The following OPCML variants were observed in gnomAD, a reference collection of about 807,000 sequenced individuals.
OPCML encodes opioid-binding protein/cell adhesion molecule.
In OPCML, 13 loss-of-function variants were observed where a neutral mutation model predicts 37.8. The observed-to-expected ratio is 0.34, with a 90% confidence interval of 0.22 to 0.55. OPCML has a LOEUF of 0.55. Ranked by LOEUF, OPCML falls within the 20% of genes least tolerant of loss-of-function variation. OPCML has a pLI of 0.91. For missense variants in OPCML, 341 were observed against 435.6 expected (o/e 0.78, Z 1.93); for synonymous variants, 176 against 168.8 (o/e 1.04, Z -0.33).
At chr11:132,657,941 A>C (rs975008268) in intron 2 of OPCML, among the ~76,000 whole-genome samples, 1 of 152,206 alleles carries the variant, frequency 6.6e-6, no homozygotes, top group African/African-American at 2.4e-5. Flanking sequence ...AATTATCAGC[A>C]GAATCCCTGT....
chr11:132,922,963 C>A (rs1944858053), intron 2 of OPCML, among the ~76,000 whole-genome samples: 1 of 151,722 alleles, frequency 6.6e-6, no homozygotes, highest in Non-Finnish European at 1.5e-5. Context: ...CATGCCAGCT[C>A]CTCCAAAGGC....
At chr11:133,227,651 C>T (rs564575291) in intron 1 of OPCML, among the ~76,000 whole-genome samples, 1 of 152,234 alleles carries the variant, frequency 6.6e-6, no homozygotes, top group East Asian at 1.9e-4. Flanking sequence ...AAAAAAAGGC[C>T]GTTCCATTCT....
rs1323163114 is a variant in OPCML at position 132,616,172 on chromosome 11, G to C, written c.379+40915C>G. On this transcript the variant is annotated intron_variant, in intron 3 of 7. Transcript: ENST00000524381. The stretch of plus-strand genomic sequence containing the variant: ...TTCATCTTTGGAGACATGGCTTTCA[G>C]TGTGTTTTAAAATGAGATATGAACT... Among the ~76,000 whole-genome samples, 3 of 152,308 alleles carry C rather than the reference G, an allele frequency of 2.0e-5. 1 individual carries two copies. The South Asian group carries it at 6.2e-4, about 32-fold the overall frequency.
At chr11:133,296,670 G>A (rs1446318361) in intron 1 of OPCML, among the ~76,000 whole-genome samples, 1 of 152,178 alleles carries the variant, frequency 6.6e-6, no homozygotes, top group Non-Finnish European at 1.5e-5. Context: ...TCGGGAACAA[G>A]GCAGATTGAC....
At chr11:132,689,845 A>T (rs1224408999) in intron 2 of OPCML, among the ~76,000 whole-genome samples, 3 of 152,214 alleles carry the variant, frequency 2.0e-5, no homozygotes, top group Non-Finnish European at 2.9e-5. Context: ...CATGAAATAT[A>T]CCTTTATACC....
chr11:133,204,493 ACTTTGTCAGG>A (rs1938947022), intron 1 of OPCML, among the ~76,000 whole-genome samples: 2 of 152,284 alleles, frequency 1.3e-5, no homozygotes, highest in South Asian at 4.1e-4. Flanking sequence ...AGGAGTGGAC[ACTTTGTCAGG>A]TCCCTGTGGC....
intron 2 of OPCML, among the ~76,000 whole-genome samples, chr11:132,803,616 C>A (rs780926312): frequency 6.6e-6 from 1 of 152,210 alleles, no homozygotes; most frequent in Non-Finnish European, 1.5e-5. Flanking sequence ...GAACACTCAT[C>A]CTTCACTAAT....
intron 1 of OPCML, among the ~76,000 whole-genome samples, chr11:133,215,986 C>T (rs906708530): frequency 1.3e-5 from 2 of 152,102 alleles, no homozygotes; most frequent in African/African-American, 2.4e-5. Flanking sequence ...TGAATAGAGG[C>T]CACCAGGAGG....
intron 1 of OPCML, among the ~76,000 whole-genome samples, chr11:133,074,979 A>G (rs1948599214): frequency 6.6e-6 from 1 of 152,144 alleles, no homozygotes; most frequent in African/African-American, 2.4e-5. Context: ...TCAGCTCACC[A>G]GGAAGTGGCA....
At chr11:132,456,719 G>A (rs2096083885) in intron 4 of OPCML, among the ~76,000 whole-genome samples, 1 of 152,220 alleles carries the variant, frequency 6.6e-6, no homozygotes, top group Non-Finnish European at 1.5e-5. Flanking sequence ...AAGTGCATTG[G>A]ACTTGTCAGA....
In OPCML at chr11:133,211,512, A is replaced by G. The variant is rs1592108741; in HGVS notation, c.62-268502T>C. 6.6e-6 allele frequency among the ~76,000 whole-genome samples: 1 copy of G among 151,656 alleles called. No individual in the cohort carries two copies. Among genetic ancestry groups the G allele is most frequent in the Non-Finnish European group, 1.5e-5 (1 of 68,042 alleles). ...TACCCCTCCTCAGACACTGTTGCAT[A>G]TAAGTCAGAGGAGGGGCTTTGAAAA... On this transcript the variant is annotated intron_variant, in intron 1 of 7. Coordinates refer to ENST00000524381, the MANE Select transcript of OPCML (RefSeq NM_001012393.5). The surrounding 1 kb of genome is among the most constrained non-coding windows in gnomAD (Gnocchi z 4.1).
At chr11:133,079,868 G>A (rs1948682767) in intron 1 of OPCML, among the ~76,000 whole-genome samples, 1 of 152,184 alleles carries the variant, frequency 6.6e-6, no homozygotes, top group Non-Finnish European at 1.5e-5. Context: ...AATGATGCCA[G>A]AGACATGCTG....
chr11:133,008,067 A>T, intron 1 of OPCML: 1 of 985,444 alleles, frequency 1.0e-6, no homozygotes, highest in African/African-American at 1.7e-5. Context: ...GGCTACTTGC[A>T]TTGGAAGCTC....
At chr11:132,442,244 G>A (rs1365027665) in intron 4 of OPCML, among the ~76,000 whole-genome samples, 1 of 152,204 alleles carries the variant, frequency 6.6e-6, no homozygotes, top group Non-Finnish European at 1.5e-5. Context: ...GATGCCTCAA[G>A]TAAGGTGTAG....
chr11:133,423,363 C>CT (rs1945933241), intron 1 of OPCML: 1 of 985,356 alleles, frequency 1.0e-6, no homozygotes, highest in Admixed American at 6.1e-5. Context: ...CTGCAGATAA[C>CT]TGAGAGTGGA....
Position 132,943,693 on chromosome 11 carries a change from G to C in OPCML, c.62-683C>G, listed in dbSNP as rs1945663133. 1 of 152,258 alleles carries C rather than the reference G, an allele frequency of 6.6e-6. No individual in the cohort carries two copies. Among genetic ancestry groups the C allele is most frequent in the African/African-American group, 2.4e-5 (1 of 41,428 alleles). 9.4% of individuals were successfully genotyped at this position (152,258 alleles called of 1,614,324 possible). ...CGGGGACGCGCAGCCGGCGCAGCCA[G>C]GGTCGTCCGGTCGGTGGCCGTCCTC... On this transcript the variant is annotated intron_variant, in intron 1 of 7. Coordinates refer to ENST00000524381, the MANE Select transcript of OPCML (RefSeq NM_001012393.5). This position sits in a 1 kb window ranked among gnomAD's most constrained non-coding sequence, Gnocchi z 4.3.
chr11:132,948,639 C>T (rs369252822), intron 1 of OPCML, among the ~76,000 whole-genome samples: 2 of 152,002 alleles, frequency 1.3e-5, no homozygotes, highest in East Asian at 3.9e-4. Context: ...ATTAGCAAGA[C>T]CTAGGATATC....
chr11:132,954,638 T>A (rs1035757305), intron 1 of OPCML, among the ~76,000 whole-genome samples: 10 of 152,184 alleles, frequency 6.6e-5, no homozygotes, highest in Admixed American at 4.6e-4. Context: ...TGTTGGCATT[T>A]GGATATTTCG....
At chr11:133,453,420 T>C (rs185908284) in intron 1 of OPCML, among the ~76,000 whole-genome samples, 2 of 152,356 alleles carry the variant, frequency 1.3e-5, no homozygotes, top group East Asian at 3.9e-4. Context: ...TTGTAATTTA[T>C]TGCTTTGCTT....
Sources: gnomAD v4.1 joint callset for allele counts (sites outside exome capture counted in the v4.1 genomes callset) on GRCh38, gnomAD v4.1.1 for gene constraint, Gnocchi (gnomAD v3.1) non-coding constraint, MANE v1.5 for transcripts, NCBI Gene and HGNC (gene_info 2026-07-23, HGNC 2026-07-21) for gene names.